The following INTS8 variants were observed in gnomAD, a reference collection of about 807,000 sequenced individuals.
INTS8 encodes the protein integrator complex subunit 8.
Under a neutral mutation model 138.9 loss-of-function variants are expected in INTS8, and 47 were observed. That is an observed-to-expected ratio of 0.34 (90% CI 0.27 to 0.43). The LOEUF (loss-of-function observed/expected upper bound fraction) is 0.43, where lower values mean the gene tolerates loss of function less well. Among genes scored for constraint, INTS8 ranks in the 20% least tolerant of loss-of-function variants. The probability of loss-of-function intolerance (pLI) is 1.00; values close to 1 mark genes in which losing one functional copy is unlikely to be tolerated. For missense variants in INTS8, 996 were observed against 1,173.0 expected, an observed-to-expected ratio of 0.85 and a Z score of 2.20; for synonymous variants, 392 against 400.9, an observed-to-expected ratio of 0.98 and a Z score of 0.27.
intron 9 of INTS8, 150 bp from the exon 10 acceptor site, chr8:94,842,197 G>A (rs1815161634): frequency 4.7e-6 from 2 of 426,648 alleles, no homozygotes; most frequent in African/African-American, 4.1e-5. Flanking sequence ...TTCTCCCCAT[G>A]ATTTGGTATA....
At chr8:94,872,642 C>A (rs1412389354) in intron 21 of INTS8, among the ~76,000 whole-genome samples, 1 of 152,092 alleles carries the variant, frequency 6.6e-6, no homozygotes, top group African/African-American at 2.4e-5. Flanking sequence ...TATTTTTATT[C>A]TTGAAGATAG....
intron 8 of INTS8, among the ~76,000 whole-genome samples, chr8:94,839,816 A>C (rs1413189473): frequency 6.6e-6 from 1 of 152,190 alleles, no homozygotes; most frequent in Non-Finnish European, 1.5e-5. Context: ...GGATCGCTTG[A>C]GTCCAGGAGT....
chr8:94,831,520 C>G (rs1156747678), intron 5 of INTS8, among the ~76,000 whole-genome samples: 9 of 131,906 alleles, frequency 6.8e-5, no homozygotes, highest in Non-Finnish European at 1.4e-4. Context: ...TTCGCTCTGT[C>G]ACCCAGGCCG....
chr8:94,842,459 A>C lies in INTS8; in HGVS notation c.1231A>C (p.Asn411His), dbSNP rs200147343. 26 of 1,603,420 alleles carry C rather than the reference A, an allele frequency of 1.6e-5. No individual in the cohort carries two copies. In the Admixed American group the frequency reaches 3.4e-4, roughly 21 times the overall value. ...VQFNQLFLRP[N>H]KEKIDFLLEV... ...ATTTAACCAGCTATTTCTTAGACCA[A>C]ATAAAGAGAAAATAGACTTTCTTCT... Residue 411 changes from asparagine (N) to histidine (H), a missense_variant, in exon 10 of 27, where the codon AAT becomes CAT. Asn to His is a moderately conservative substitution (Grantham distance 68, BLOSUM62 1). Transcript: ENST00000523731.
intron 16 of INTS8, among the ~76,000 whole-genome samples, chr8:94,861,149 GT>G (rs936775546): frequency 3.5e-5 from 5 of 144,822 alleles, no homozygotes; most frequent in Admixed American, 2.1e-4. Context: ...TTGGTTACTT[GT>G]TTCTTCCTTC....
chr8:94,857,070 T>TA, intron 15 of INTS8, 92 bp downstream of exon 15: 217 of 767,304 alleles, frequency 2.8e-4, no homozygotes, highest in Non-Finnish European at 4.0e-4. Flanking sequence ...GAGTTTGTAA[T>TA]CTTTTTTTTT....
chr8:94,865,435 G>A, intron 16 of INTS8, 71 bp from the exon 17 acceptor site: 4 of 1,211,266 alleles, frequency 3.3e-6, no homozygotes, highest in Admixed American at 3.9e-5. Context: ...CCTCCAGTGT[G>A]CCTTGATAAT....
chr8:94,839,828 C>G (rs1815067604), intron 8 of INTS8, among the ~76,000 whole-genome samples: 1 of 152,084 alleles, frequency 6.6e-6, no homozygotes, highest in Non-Finnish European at 1.5e-5. Context: ...TCCAGGAGTT[C>G]AAGGTTGCAG....
chr8:94,837,788 C>T (rs1315362696), intron 7 of INTS8, among the ~76,000 whole-genome samples: 1 of 152,118 alleles, frequency 6.6e-6, no homozygotes, highest in Non-Finnish European at 1.5e-5. Flanking sequence ...TAAGCTTCAG[C>T]AAACTTTCTT....
At chr8:94,836,152 G>T (rs1814920355) in intron 6 of INTS8, among the ~76,000 whole-genome samples, 1 of 152,110 alleles carries the variant, frequency 6.6e-6, no homozygotes, top group Admixed American at 6.6e-5. Flanking sequence ...CTGCTTTCAG[G>T]GTCTGGTCCG....
intron 14 of INTS8, among the ~76,000 whole-genome samples, chr8:94,854,419 C>G (rs952588848): frequency 6.6e-5 from 10 of 152,044 alleles, no homozygotes; most frequent in African/African-American, 7.2e-5. Flanking sequence ...TGCTCTGTGC[C>G]TTTTTAAAAG....
chr8:94,872,274 C>T (rs1283607482), intron 21 of INTS8, among the ~76,000 whole-genome samples: 2 of 151,982 alleles, frequency 1.3e-5, no homozygotes, highest in Non-Finnish European at 1.5e-5. Context: ...TGTTCTGTTG[C>T]CCAGGCTGGA....
chr8:94,831,234 C>G (rs1814700593), intron 5 of INTS8, among the ~76,000 whole-genome samples: 1 of 151,178 alleles, frequency 6.6e-6, no homozygotes. Flanking sequence ...GTGCCTCAGC[C>G]TCCCTAGTAG....
chr8:94,852,343 T>C (rs1011484728), intron 13 of INTS8, among the ~76,000 whole-genome samples: 2 of 152,230 alleles, frequency 1.3e-5, no homozygotes, highest in African/African-American at 4.8e-5. Flanking sequence ...TAAATGTTCC[T>C]TTAAAAACTC....
chr8:94,847,740 T>A (rs191036858), intron 10 of INTS8, among the ~76,000 whole-genome samples: 2 of 152,284 alleles, frequency 1.3e-5, no homozygotes, highest in Non-Finnish European at 2.9e-5. Context: ...CATAACATGA[T>A]CTGTTAGGTT....
At chr8:94,841,679 A>AT (rs1319528725) in intron 9 of INTS8, 88 bp downstream of exon 9, 1 of 707,464 alleles carries the variant, frequency 1.4e-6, no homozygotes, top group Non-Finnish European at 2.5e-6. Context: ...CAAATTTCCT[A>AT]TGGCTCTGTG....
intron 9 of INTS8, among the ~76,000 whole-genome samples, chr8:94,841,817 C>G (rs1233227997): frequency 6.6e-6 from 1 of 152,074 alleles, no homozygotes; most frequent in Non-Finnish European, 1.5e-5. Context: ...CCTATAATCC[C>G]AGCACTTTGA....
In INTS8 at chr8:94,880,274, G is replaced by A; in HGVS notation, c.*40G>A. 9.3e-7 allele frequency: 1 copy of A among 1,071,784 alleles called. No individual in the cohort carries two copies. Among genetic ancestry groups the A allele is most frequent in the Non-Finnish European group, 1.4e-6 (1 of 712,608 alleles). 66.4% of individuals were successfully genotyped at this position (1,071,784 alleles called of 1,614,324 possible). ...TTAACTTTTATTTTTTAAACAATGGGCTAAAAATAAACAGTATTAAAAGGT... is the reference window on the plus strand; with the variant it reads ...TTAACTTTTATTTTTTAAACAATGGACTAAAAATAAACAGTATTAAAAGGT... On this transcript the variant is annotated 3_prime_UTR_variant, in exon 27 of 27. Transcript: ENST00000523731.
At chr8:94,831,969 T>G (rs1180116877) in intron 5 of INTS8, 23 bp from the exon 6 acceptor site, 1 of 1,554,702 alleles carries the variant, frequency 6.4e-7, no homozygotes, top group Non-Finnish European at 8.7e-7. Flanking sequence ...TTTGTATTTT[T>G]ATTTGTTTAT....
Sources: allele counts gnomAD v4.1 joint callset (sites outside exome capture counted in the v4.1 genomes callset), GRCh38; gene constraint gnomAD v4.1.1; transcripts MANE v1.5; gene names NCBI Gene and HGNC (gene_info 2026-07-23, HGNC 2026-07-21).